Variants in SUFU observed in about 807,000 individuals in gnomAD.
The protein encoded by SUFU is suppressor of fused homolog.
SUFU carries 7 observed loss-of-function variants against 58.9 expected under a neutral mutation model. The observed-to-expected ratio is 0.12, with a 90% CI of 0.07 to 0.22. SUFU has a LOEUF of 0.22. Among genes scored for constraint, SUFU ranks in the 10% least tolerant of loss-of-function variants. SUFU has a pLI of 1.00. For missense variants in SUFU, 451 were observed against 641.3 expected, an observed-to-expected ratio of 0.70 and a Z score of 3.20; for synonymous variants, 232 against 254.8, an observed-to-expected ratio of 0.91 and a Z score of 0.85.
In SUFU at chr10:102,617,644, G is replaced by A; in HGVS notation, c.1296+216G>A. Reference sequence around the variant, plus strand: ...GAGCACTTCCTGACCTTCTCCCCCTGTCACCTGAGACACAAGTGTTAACTC... The same window carrying A: ...GAGCACTTCCTGACCTTCTCCCCCTATCACCTGAGACACAAGTGTTAACTC... On this transcript the variant is annotated intron_variant, in intron 10 of 11. Transcript: ENST00000369902. The surrounding 1 kb of genome is among the most constrained non-coding windows in gnomAD (Gnocchi z 4.4). 1.6e-6 allele frequency: 1 copy of A among 635,000 alleles called. No individual in the cohort carries two copies. Among genetic ancestry groups the A allele is most frequent in the Non-Finnish European group, 2.8e-6 (1 of 353,332 alleles). The allele number at this position is 635,000 out of a possible 1,614,324, so 39.3% of individuals were successfully genotyped here. A position where few individuals can be genotyped will look rare whatever the true frequency, so the allele number is the denominator to read the frequency against.
chr10:102,529,030 ATTAT>A (rs2062645456), intron 2 of SUFU, among the ~76,000 whole-genome samples: 1 of 94,166 alleles, frequency 1.1e-5, no homozygotes, highest in South Asian at 3.1e-4. Context: ...TTTTTTTTCT[ATTAT>A]TTTGTTTTTA....
At chr10:102,613,450 G>A (rs551566716) in intron 8 of SUFU, among the ~76,000 whole-genome samples, 44 of 152,348 alleles carry the variant, frequency 2.9e-4, no homozygotes, top group African/African-American at 1.1e-3. Flanking sequence ...GCCATCCTCT[G>A]TCTTTGGCCT....
At chr10:102,560,262 T>C (rs928687714) in intron 3 of SUFU, among the ~76,000 whole-genome samples, 5 of 152,192 alleles carry the variant, frequency 3.3e-5, no homozygotes, top group Non-Finnish European at 7.3e-5. Context: ...GCCATGCGTA[T>C]GTCTGGATAG....
intron 2 of SUFU, among the ~76,000 whole-genome samples, chr10:102,515,689 G>T (rs2062460541): frequency 6.6e-6 from 1 of 152,082 alleles, no homozygotes; most frequent in Non-Finnish European, 1.5e-5. Context: ...TGGGAGCTTG[G>T]TCCCTCCTCT....
At chr10:102,560,140 C>T (rs1482959788) in intron 3 of SUFU, among the ~76,000 whole-genome samples, 1 of 152,140 alleles carries the variant, frequency 6.6e-6, no homozygotes, top group South Asian at 2.1e-4. Context: ...AATACTTGCT[C>T]ATTATAAAAT....
Position 102,505,857 on chromosome 10 carries a change from C to T in SUFU, c.182+1523C>T, listed in dbSNP as rs561575690. ...GCTTAATGACCCATTCTCATTGTGC[C>T]TTTATATTTAACTATGTGTTGTGAT... On this transcript the variant is annotated intron_variant, in intron 1 of 11. Coordinates refer to ENST00000369902, the MANE Select transcript of SUFU (RefSeq NM_016169.4). Among the ~76,000 whole-genome samples, 25 of 152,036 alleles carry T rather than the reference C, an allele frequency of 1.6e-4. No homozygotes were observed. In the East Asian group the frequency reaches 4.6e-3, roughly 28 times the overall value.
intron 2 of SUFU, among the ~76,000 whole-genome samples, chr10:102,517,920 A>G (rs983837094): frequency 6.6e-6 from 1 of 152,144 alleles, no homozygotes; most frequent in Non-Finnish European, 1.5e-5. Context: ...TGTGGAGACA[A>G]TGAAGAATCT....
rs906863787 is a variant in SUFU, at chr10:102,572,674, G to C, written c.455-19908G>C. The C allele has an allele frequency of 6.8e-6, 4 of 591,170 alleles. No individual in the cohort carries two copies. In the African/African-American group the frequency reaches 7.4e-5, roughly 11 times the overall value. The allele number at this position is 591,170 out of a possible 1,614,324, so 36.6% of individuals were successfully genotyped here. A position where few individuals can be genotyped will look rare whatever the true frequency, so the allele number is the denominator to read the frequency against. On this transcript the variant is annotated intron_variant, in intron 3 of 11. Transcript: ENST00000369902. ...AACTGCTGAGATTACAGGTGTGAGTGAGCCACCATGCCCAGCCTTTTTTTT... is the reference window on the plus strand; with the variant it reads ...AACTGCTGAGATTACAGGTGTGAGTCAGCCACCATGCCCAGCCTTTTTTTT...
chr10:102,527,212 C>T (rs931469878), intron 2 of SUFU, among the ~76,000 whole-genome samples: 3 of 151,864 alleles, frequency 2.0e-5, no homozygotes, highest in African/African-American at 7.3e-5. Flanking sequence ...CCGTGTTAGC[C>T]AGGATGGTCT....
chr10:102,577,872 G>A (rs1365584892), intron 3 of SUFU, among the ~76,000 whole-genome samples: 2 of 148,502 alleles, frequency 1.3e-5, no homozygotes, highest in Non-Finnish European at 3.0e-5. Flanking sequence ...TAGTAGAGAT[G>A]GGGTTTCACC....
At chr10:102,549,872 C>T in intron 2 of SUFU, 98 bp from the exon 3 acceptor site, 1 of 1,490,820 alleles carries the variant, frequency 6.7e-7, no homozygotes, top group Non-Finnish European at 9.3e-7. Flanking sequence ...GATTTGGATA[C>T]TGAGGCCACC....
chr10:102,531,829 G>A (rs1422016266), intron 2 of SUFU, among the ~76,000 whole-genome samples: 1 of 152,188 alleles, frequency 6.6e-6, no homozygotes, highest in Non-Finnish European at 1.5e-5. Context: ...AGAGGAGAAA[G>A]TTGTGTTGAG....
intron 3 of SUFU, among the ~76,000 whole-genome samples, chr10:102,590,135 C>A (rs2063380304): frequency 7.8e-6 from 1 of 127,912 alleles, no homozygotes; most frequent in Admixed American, 8.2e-5. Context: ...TCCCCCCCGA[C>A]TTTTTCTTTT....
intron 3 of SUFU, among the ~76,000 whole-genome samples, chr10:102,587,086 G>A (rs749169281): frequency 6.6e-6 from 1 of 152,128 alleles, no homozygotes; most frequent in Non-Finnish European, 1.5e-5. Context: ...ACTACATTTT[G>A]TTAATCCATT....
chr10:102,613,113 C>G (rs545947636), intron 8 of SUFU, among the ~76,000 whole-genome samples: 1 of 152,104 alleles, frequency 6.6e-6, no homozygotes, highest in Admixed American at 6.5e-5. Context: ...TCTGAGGCTT[C>G]GATCAGAAGT....
chr10:102,593,042 C>G (rs1356730584), intron 4 of SUFU, among the ~76,000 whole-genome samples: 1 of 152,186 alleles, frequency 6.6e-6, no homozygotes, highest in Non-Finnish European at 1.5e-5. Flanking sequence ...GAAGCCAGCT[C>G]TGGGTCGTCC....
intron 2 of SUFU, among the ~76,000 whole-genome samples, chr10:102,520,126 G>C (rs567059876): frequency 6.6e-6 from 1 of 151,670 alleles, no homozygotes; most frequent in African/African-American, 2.4e-5. Flanking sequence ...TTATCATTGG[G>C]GAACCAATAT....
chr10:102,561,004 C>T lies in SUFU; in HGVS notation c.454+10898C>T, dbSNP rs532457236. Among the ~76,000 whole-genome samples, 22 of 152,090 alleles carry T rather than the reference C, an allele frequency of 1.4e-4. No individual in the cohort carries two copies. The South Asian group carries it at 2.3e-3, about 16-fold the overall frequency. On this transcript the variant is annotated intron_variant, in intron 3 of 11. Coordinates refer to ENST00000369902, the MANE Select transcript of SUFU (RefSeq NM_016169.4). ...GATTATAGGCATGTGCCACCACACCCGGCTAATTTTGTATTTTTAGTAGAG... is the reference window on the plus strand; with the variant it reads ...GATTATAGGCATGTGCCACCACACCTGGCTAATTTTGTATTTTTAGTAGAG...
chr10:102,584,001 C>A (rs965923676), intron 3 of SUFU, among the ~76,000 whole-genome samples: 35 of 152,166 alleles, frequency 2.3e-4, no homozygotes, highest in African/African-American at 8.4e-4. Flanking sequence ...ACCTACTGGG[C>A]ACTTGCTGGT....
Sources: allele counts gnomAD v4.1 joint callset (sites outside exome capture counted in the v4.1 genomes callset), GRCh38; gene constraint gnomAD v4.1.1; non-coding constraint Gnocchi (gnomAD v3.1); transcripts MANE v1.5; gene names NCBI Gene and HGNC (gene_info 2026-07-23, HGNC 2026-07-21).